Variants in LPAR1 observed in about 807,000 individuals in gnomAD.
The protein encoded by LPAR1 is LPA receptor 1.
Under a neutral mutation model 23.8 loss-of-function variants are expected in LPAR1, and 5 were observed. The ratio of observed to expected loss-of-function variants is 0.21; its 90% CI spans 0.11 to 0.44. LPAR1 has a LOEUF of 0.44. LPAR1 is among the 20% of genes least tolerant of loss of function. The pLI is 0.99. For missense variants in LPAR1, 311 were observed against 482.8 expected, an observed-to-expected ratio of 0.64 and a Z score of 3.33; for synonymous variants, 160 against 164.7, an observed-to-expected ratio of 0.97 and a Z score of 0.22.
chr9:110,908,401 T>G (rs2134215743), intron 5 of LPAR1, among the ~76,000 whole-genome samples: 1 of 151,424 alleles, frequency 6.6e-6, no homozygotes, highest in Non-Finnish European at 1.5e-5. Context: ...AAAATTTAAA[T>G]GTACTGAATT....
At chr9:110,957,350 A>AT (rs55733243) in intron 4 of LPAR1, among the ~76,000 whole-genome samples, 17,188 of 147,636 alleles carry the variant, frequency 0.12, 1,483 homozygotes, top group East Asian at 0.52. Flanking sequence ...AAAAAAAAAA[A>AT]AATAATAATA....
chr9:110,878,319 G>A (rs983437215), intron 5 of LPAR1, among the ~76,000 whole-genome samples: 2 of 151,988 alleles, frequency 1.3e-5, no homozygotes, highest in African/African-American at 4.8e-5. Flanking sequence ...GGATCAAACT[G>A]ACCAAAAGAT....
chr9:111,026,445 C>T (rs2097693304), intron 2 of LPAR1, among the ~76,000 whole-genome samples: 1 of 152,206 alleles, frequency 6.6e-6, no homozygotes, highest in African/African-American at 2.4e-5. Context: ...ACAGGGTTTT[C>T]TAAATATACA....
In LPAR1 at chr9:110,978,956, G is replaced by A. The variant is rs138666769; in HGVS notation, c.-181-5398C>T. On this transcript the variant is annotated intron_variant, in intron 2 of 5. Coordinates refer to ENST00000683809, the MANE Select transcript of LPAR1 (RefSeq NM_001351411.2). ...GGAGTTGGGAAGATGTTGATCAAAG[G>A]ATACATATTTACAGTTAGACAGGAG... 6.4e-3 allele frequency among the ~76,000 whole-genome samples: 970 copies of A among 152,132 alleles called. 12 individuals carry two copies. Among genetic ancestry groups the A allele is most frequent in the African/African-American group, 0.022 (927 of 41,522 alleles).
At chr9:110,942,790 A>G (rs1410424296) in intron 4 of LPAR1, among the ~76,000 whole-genome samples, 1 of 152,210 alleles carries the variant, frequency 6.6e-6, no homozygotes, top group Non-Finnish European at 1.5e-5. Context: ...CCTTAAGTTC[A>G]GAATAGGACT....
At chr9:110,972,808 G>T (rs982611694) in intron 3 of LPAR1, among the ~76,000 whole-genome samples, 1 of 152,038 alleles carries the variant, frequency 6.6e-6, no homozygotes, top group Admixed American at 6.6e-5. Flanking sequence ...TTAGCCAGGC[G>T]TGGTAGAACA....
intron 4 of LPAR1, among the ~76,000 whole-genome samples, chr9:110,965,060 G>A (rs1044330117): frequency 4.0e-5 from 6 of 151,704 alleles, no homozygotes; most frequent in Admixed American, 6.6e-5. Context: ...CAGTAGAGAC[G>A]GGGTTTCACC....
chr9:111,015,633 G>T (rs2097428914), intron 2 of LPAR1, among the ~76,000 whole-genome samples: 1 of 152,112 alleles, frequency 6.6e-6, no homozygotes, highest in African/African-American at 2.4e-5. Context: ...TTCTTTCTGA[G>T]ATCCACTGCA....
At chr9:111,030,281 T>C (rs997650218) in intron 2 of LPAR1, among the ~76,000 whole-genome samples, 13 of 152,102 alleles carry the variant, frequency 8.5e-5, no homozygotes, top group African/African-American at 2.4e-4. Flanking sequence ...CAATAAATAG[T>C]GGGTACAGAA....
chr9:110,919,204 C>A (rs768770907), intron 5 of LPAR1, among the ~76,000 whole-genome samples: 3 of 152,016 alleles, frequency 2.0e-5, no homozygotes, highest in Non-Finnish European at 4.4e-5. Context: ...GTACAGATTT[C>A]TCTCTCTCTC....
chr9:110,988,015 G>C (rs1194064993), intron 2 of LPAR1, among the ~76,000 whole-genome samples: 2 of 151,768 alleles, frequency 1.3e-5, no homozygotes, highest in Non-Finnish European at 2.9e-5. Flanking sequence ...AGAGGAACAA[G>C]GATAAGAATG....
chr9:110,921,624 C>T (rs73655678), intron 5 of LPAR1, among the ~76,000 whole-genome samples: 2,734 of 152,200 alleles, frequency 0.018, 75 homozygotes, highest in African/African-American at 0.062. Flanking sequence ...ATCCGGAGTC[C>T]ACAATTAACC....
chr9:110,953,054 C>T (rs62573217), intron 4 of LPAR1, among the ~76,000 whole-genome samples: 15,702 of 152,252 alleles, frequency 0.1, 856 homozygotes, highest in South Asian at 0.12. Context: ...GTTGCAGCCA[C>T]TGTCAACACA....
intron 4 of LPAR1, among the ~76,000 whole-genome samples, chr9:110,961,773 A>G (rs930588442): frequency 6.6e-6 from 1 of 152,028 alleles, no homozygotes; most frequent in Non-Finnish European, 1.5e-5. Flanking sequence ...TGTACAGGGG[A>G]ACTGCCCTTT....
chr9:111,034,729 ATG>A (rs1220042650), intron 2 of LPAR1, among the ~76,000 whole-genome samples: 2 of 152,022 alleles, frequency 1.3e-5, no homozygotes, highest in Non-Finnish European at 2.9e-5. Context: ...CTGCCCCAAT[ATG>A]TGTTACTCAG....
At chr9:110,909,608 T>A (rs2134276720) in intron 5 of LPAR1, among the ~76,000 whole-genome samples, 1 of 152,350 alleles carries the variant, frequency 6.6e-6, no homozygotes, top group South Asian at 2.1e-4. Flanking sequence ...CAGCATGTGC[T>A]CACTTGGTGT....
intron 5 of LPAR1, among the ~76,000 whole-genome samples, chr9:110,910,019 G>A (rs2092171960): frequency 6.6e-6 from 1 of 152,104 alleles, no homozygotes; most frequent in Non-Finnish European, 1.5e-5. Flanking sequence ...AAAGTGCTAG[G>A]ATTATAGGCA....
At chr9:110,931,197 G>T (rs953946186) in intron 5 of LPAR1, among the ~76,000 whole-genome samples, 3 of 152,130 alleles carry the variant, frequency 2.0e-5, no homozygotes, top group African/African-American at 7.2e-5. Context: ...CATCTAAGAT[G>T]AAATTCCAAC....
chr9:110,977,829 A>C (rs1457078452), intron 2 of LPAR1, among the ~76,000 whole-genome samples: 1 of 109,554 alleles, frequency 9.1e-6, no homozygotes, highest in African/African-American at 3.7e-5. Context: ...GGCGGGAGGG[A>C]GGGAGGGAAG....
Sources: gnomAD v4.1 joint callset for allele counts (sites outside exome capture counted in the v4.1 genomes callset) on GRCh38, gnomAD v4.1.1 for gene constraint, MANE v1.5 for transcripts, NCBI Gene and HGNC (gene_info 2026-07-23, HGNC 2026-07-21) for gene names.